Variants in GAN observed in about 807,000 individuals in gnomAD.
GAN encodes the protein epididymis secretory sperm binding protein.
A neutral mutation model predicts 71.3 loss-of-function variants in GAN; 48 were observed. That is an observed-to-expected ratio of 0.67 (90% CI 0.53 to 0.86). The LOEUF (loss-of-function observed/expected upper bound fraction) is 0.86, where lower values mean the gene tolerates loss of function less well. GAN is among the 40% of genes least tolerant of loss of function. The pLI is 0.00. For missense variants in GAN, 928 were observed against 770.1 expected (o/e 1.21, Z -2.43); for synonymous variants, 386 against 276.8 (o/e 1.39, Z -3.92).
At chr16:81,357,548 A>G (rs1910531623) in intron 4 of GAN, among the ~76,000 whole-genome samples, 2 of 152,148 alleles carry the variant, frequency 1.3e-5, no homozygotes. Flanking sequence ...GCTATTGTGA[A>G]TAGTGCCGCA....
intron 9 of GAN, among the ~76,000 whole-genome samples, chr16:81,369,459 G>C (rs990715391): frequency 2.0e-5 from 3 of 152,084 alleles, no homozygotes; most frequent in Non-Finnish European, 4.4e-5. Flanking sequence ...GGAAAATCTT[G>C]GAAAATTTTT....
chr16:81,335,995 T>C (rs1909747778), intron 1 of GAN, among the ~76,000 whole-genome samples: 1 of 152,148 alleles, frequency 6.6e-6, no homozygotes, highest in Admixed American at 6.5e-5. Context: ...AGTGCACCAG[T>C]GTGAGGCTGA....
At chr16:81,369,396 A>G (rs1467761073) in intron 9 of GAN, among the ~76,000 whole-genome samples, 1 of 152,354 alleles carries the variant, frequency 6.6e-6, no homozygotes, top group East Asian at 1.9e-4. Context: ...GGTGATGCCT[A>G]TCACATCCCC....
chr16:81,318,261 A>G (rs28560203), intron 1 of GAN, among the ~76,000 whole-genome samples: 7,205 of 152,240 alleles, frequency 0.047, 373 homozygotes, highest in African/African-American at 0.12. Flanking sequence ...TGAATGTTCA[A>G]AAGTTTGGTA....
In GAN at chr16:81,344,710, T is replaced by C. The variant is rs552065755; in HGVS notation, c.168-6873T>C. On this transcript the variant is annotated intron_variant, in intron 1 of 10. Transcript: ENST00000648994. ...AAGACAAAGGCATGGGCAAAGACCA[T>C]GTCTAAAACACCAAAAGCAATGGCA... Among the ~76,000 whole-genome samples, 9 of 152,226 alleles carry C rather than the reference T, an allele frequency of 5.9e-5. No homozygotes were observed. In the East Asian group the frequency reaches 1.5e-3, roughly 26 times the overall value.
chr16:81,353,492 C>G (rs1298833558), intron 2 of GAN, among the ~76,000 whole-genome samples: 1 of 152,162 alleles, frequency 6.6e-6, no homozygotes, highest in Non-Finnish European at 1.5e-5. Flanking sequence ...CACCATACTA[C>G]TTTCCACATT....
rs1904366731 is a variant in GAN, at chr16:81,385,292, G to C, written c.*7696G>C. The C allele has an allele frequency of 1.3e-5, 2 of 152,074 alleles. No individual in the cohort carries two copies. Among genetic ancestry groups the C allele is most frequent in the Admixed American group, 1.3e-4 (2 of 15,270 alleles). The allele number at this position is 152,074 out of a possible 1,614,324, so 9.4% of individuals were successfully genotyped here. A position where few individuals can be genotyped will look rare whatever the true frequency, so the allele number is the denominator to read the frequency against. ...TGGAAGTGATTTCCATGAGAACAAA[G>C]GCTTATTCCTTTAACTTAAACCCCA... is the stretch of plus-strand genomic sequence containing the variant. On this transcript the variant is annotated 3_prime_UTR_variant, in exon 11 of 11. Transcript: ENST00000648994.
intron 1 of GAN, among the ~76,000 whole-genome samples, chr16:81,328,339 T>C (rs570264691): frequency 1.5e-4 from 23 of 152,374 alleles, no homozygotes; most frequent in African/African-American, 5.5e-4. Flanking sequence ...ATCTCTCTCG[T>C]ATCTCAATGT....
intron 9 of GAN, among the ~76,000 whole-genome samples, chr16:81,366,014 A>G (rs756236146): frequency 6.6e-6 from 1 of 152,158 alleles, no homozygotes; most frequent in African/African-American, 2.4e-5. Context: ...TGGTTGTCTC[A>G]GCTCTGTTCG....
chr16:81,317,877 T>A (rs1909097555), intron 1 of GAN, among the ~76,000 whole-genome samples: 1 of 152,204 alleles, frequency 6.6e-6, no homozygotes, highest in Non-Finnish European at 1.5e-5. Context: ...TTTTTTTTTT[T>A]ATGTTTTGTG....
intron 1 of GAN, among the ~76,000 whole-genome samples, chr16:81,328,304 G>A (rs762760724): frequency 5.9e-5 from 9 of 152,110 alleles, no homozygotes; most frequent in Admixed American, 1.3e-4. Context: ...TTTACAGTTC[G>A]TCTTTTTACT....
chr16:81,332,969 A>G (rs1451576556), intron 1 of GAN, among the ~76,000 whole-genome samples: 1 of 152,034 alleles, frequency 6.6e-6, no homozygotes, highest in Non-Finnish European at 1.5e-5. Flanking sequence ...GCCGAGTGCA[A>G]TGGCTCATGC....
chr16:81,375,170 G>T (rs1484095599), intron 9 of GAN, among the ~76,000 whole-genome samples: 1 of 151,760 alleles, frequency 6.6e-6, no homozygotes, highest in Non-Finnish European at 1.5e-5. Flanking sequence ...AAATGAAAAG[G>T]CCACCTACAT....
In GAN at chr16:81,390,680, A is replaced by G. The variant is rs1409469411; in HGVS notation, c.*13084A>G. 1 of 152,230 alleles carries G rather than the reference A, an allele frequency of 6.6e-6. No homozygotes were observed. The highest frequency in any genetic ancestry group is 1.5e-5 in the Non-Finnish European group (1 of 68,046). The allele number at this position is 152,230 out of a possible 1,614,324, so 9.4% of individuals were successfully genotyped here. ...TTTTGATCTGAAATTTGTGTATGCT[A>G]AAGTAATTTTGTTTTATGTATTGGA... On this transcript the variant is annotated 3_prime_UTR_variant, in exon 11 of 11. Transcript: ENST00000648994.
intron 1 of GAN, among the ~76,000 whole-genome samples, chr16:81,317,632 G>A (rs755191839): frequency 1.2e-4 from 19 of 152,196 alleles, no homozygotes; most frequent in Non-Finnish European, 2.2e-4. Flanking sequence ...TGTGTTATGA[G>A]GTTATTAGTA....
In GAN at chr16:81,383,328, C is replaced by G. The variant is rs1457099612; in HGVS notation, c.*5732C>G. 7.2e-6 allele frequency: 1 copy of G among 138,502 alleles called. No individual in the cohort carries two copies. Among genetic ancestry groups the G allele is most frequent in the Non-Finnish European group, 1.5e-5 (1 of 65,738 alleles). 8.6% of individuals were successfully genotyped at this position (138,502 alleles called of 1,614,324 possible). A position where few individuals can be genotyped will look rare whatever the true frequency, so the allele number is the denominator to read the frequency against. On this transcript the variant is annotated 3_prime_UTR_variant, in exon 11 of 11. Transcript: ENST00000648994. ...AGTGCAGTGGTGCGATCTCGGCTCA[C>G]TGCAATCTCCGCCTCCTGGGTTCAA...
intron 1 of GAN, among the ~76,000 whole-genome samples, chr16:81,338,275 G>T (rs1268034881): frequency 6.6e-6 from 1 of 152,092 alleles, no homozygotes. Context: ...TTGACATCAT[G>T]TAATAATTAA....
At chr16:81,366,281 T>G (rs1001466207) in intron 9 of GAN, among the ~76,000 whole-genome samples, 7 of 152,214 alleles carry the variant, frequency 4.6e-5, no homozygotes, top group African/African-American at 1.7e-4. Context: ...CCTGTCTGTA[T>G]CAGATGCTTA....
intron 1 of GAN, among the ~76,000 whole-genome samples, chr16:81,320,662 A>G (rs1909194135): frequency 6.6e-6 from 1 of 152,240 alleles, no homozygotes; most frequent in Admixed American, 6.5e-5. Flanking sequence ...CTTAGTGCTC[A>G]GGGGTTCAGT....
Sources: gnomAD v4.1 joint callset for allele counts (sites outside exome capture counted in the v4.1 genomes callset) on GRCh38, gnomAD v4.1.1 for gene constraint, MANE v1.5 for transcripts, NCBI Gene and HGNC (gene_info 2026-07-23, HGNC 2026-07-21) for gene names.